DLGAP2: variants seen among roughly 807,000 people sequenced by gnomAD.
DLGAP2 encodes DLG associated protein 2.
A neutral mutation model predicts 100.3 loss-of-function variants in DLGAP2; 26 were observed. That is an observed-to-expected ratio of 0.26 (90% confidence interval 0.19 to 0.36). The LOEUF is 0.36. Among genes scored for constraint, DLGAP2 ranks in the 10% least tolerant of loss-of-function variants. The probability of loss-of-function intolerance (pLI) is 1.00; values close to 1 mark genes in which losing one functional copy is unlikely to be tolerated. For missense variants in DLGAP2, 1,858 were observed against 1,453.2 expected, an observed-to-expected ratio of 1.28 and a Z score of -4.53; for synonymous variants, 886 against 630.1, an observed-to-expected ratio of 1.41 and a Z score of -6.08.
chr8:750,394 C>T (rs567802507), intron 1 of DLGAP2, among the ~76,000 whole-genome samples: 19 of 152,264 alleles, frequency 1.2e-4, no homozygotes, highest in Admixed American at 5.2e-4. Context: ...GAAAACATTT[C>T]GAATCTTTTC....
At chr8:754,490 C>G (rs28524105) in intron 1 of DLGAP2, among the ~76,000 whole-genome samples, 43,651 of 152,156 alleles carry the variant, frequency 0.29, 7,942 homozygotes, top group Non-Finnish European at 0.41. Flanking sequence ...GTTGCAGTGT[C>G]ATTATCTTAC....
At chr8:1,645,387 T>G (rs2130801535) in intron 8 of DLGAP2, among the ~76,000 whole-genome samples, 1 of 152,360 alleles carries the variant, frequency 6.6e-6, no homozygotes, top group African/African-American at 2.4e-5. Context: ...TGCAGGCCAG[T>G]GTCAGTGTTA....
intron 2 of DLGAP2, among the ~76,000 whole-genome samples, chr8:1,208,619 C>G (rs543793342): frequency 4.0e-4 from 40 of 99,664 alleles, no homozygotes; most frequent in African/African-American, 2.8e-3. Context: ...TACTAGAAGT[C>G]CTAGCCAGAG....
rs377422177 is a variant in DLGAP2 at position 1,354,041 on chromosome 8, G to C, written c.106+95158G>C. Among the ~76,000 whole-genome samples the C allele has an allele frequency of 1.7e-3, 253 of 152,282 alleles. 1 individual carries two copies. The highest frequency in any genetic ancestry group is 0.014 in the Middle Eastern group (4 of 294). ...CAGTGGCCAGTGCTGTTTATAGAAG[G>C]ATGAATAGGTGCAGGCTTCAGGGGG... is the stretch of plus-strand genomic sequence containing the variant. On this transcript the variant is annotated intron_variant, in intron 3 of 14. Coordinates refer to ENST00000637795, the MANE Select transcript of DLGAP2 (RefSeq NM_001346810.2).
chr8:1,409,374 C>T (rs1380443280), intron 3 of DLGAP2, among the ~76,000 whole-genome samples: 1 of 152,190 alleles, frequency 6.6e-6, no homozygotes, highest in South Asian at 2.1e-4. Context: ...TCACCGTAGG[C>T]GCCCAGCTCT....
At chr8:913,221 A>C (rs956921800) in intron 2 of DLGAP2, among the ~76,000 whole-genome samples, 3 of 152,226 alleles carry the variant, frequency 2.0e-5, no homozygotes, top group Non-Finnish European at 2.9e-5. Flanking sequence ...CAGAGTAGCC[A>C]CTGGAGCACT....
Position 1,678,415 on chromosome 8 carries a change from A to G in DLGAP2, c.2490A>G (p.Arg830=). 2 of 1,613,764 alleles carry G rather than the reference A, an allele frequency of 1.2e-6. No individual in the cohort carries two copies. Among genetic ancestry groups the G allele is most frequent in the Non-Finnish European group, 1.7e-6 (2 of 1,179,764 alleles). Residue 830 remains arginine (R), a synonymous_variant, in exon 12 of 15, where the codon AGA becomes AGG. Transcript: ENST00000637795. ...TVRTQGLFSY[R]EDYRTQVDTS... ...GGACCCAGGGGCTCTTCAGCTATAG[A>G]GAAGACTATCGGACCCAAGTGGACA...
At chr8:904,572 C>T (rs754455610) in intron 1 of DLGAP2, among the ~76,000 whole-genome samples, 66 of 152,152 alleles carry the variant, frequency 4.3e-4, no homozygotes, top group African/African-American at 1.4e-4. Context: ...GTCACTGACC[C>T]GGGGGTGCTT....
At chr8:1,505,204 A>G (rs976598472) in intron 4 of DLGAP2, among the ~76,000 whole-genome samples, 11 of 152,202 alleles carry the variant, frequency 7.2e-5, no homozygotes, top group African/African-American at 2.2e-4. Context: ...GAATTTATGG[A>G]TCTATAATTC....
At chr8:1,086,493 A>G (rs1299502309) in intron 2 of DLGAP2, among the ~76,000 whole-genome samples, 1 of 152,168 alleles carries the variant, frequency 6.6e-6, no homozygotes. Context: ...GTATAAAAAG[A>G]TAAGACCCAA....
chr8:1,038,473 C>G (rs1423039406), intron 2 of DLGAP2, among the ~76,000 whole-genome samples: 1 of 152,166 alleles, frequency 6.6e-6, no homozygotes, highest in Non-Finnish European at 1.5e-5. Context: ...CCCCTGGAGC[C>G]TCTGTTCAGT....
chr8:1,550,325 C>A (rs1019165559), intron 5 of DLGAP2, among the ~76,000 whole-genome samples: 1 of 152,172 alleles, frequency 6.6e-6, no homozygotes. Context: ...GATGGCGGGA[C>A]GTTATCTACG....
chr8:1,602,610 A>G (rs1007197298), intron 6 of DLGAP2, among the ~76,000 whole-genome samples: 10 of 152,216 alleles, frequency 6.6e-5, no homozygotes, highest in African/African-American at 1.7e-4. Context: ...ATGAGATGGC[A>G]CCAGCTACTC....
intron 2 of DLGAP2, among the ~76,000 whole-genome samples, chr8:1,038,939 T>A (rs1255238319): frequency 6.6e-6 from 1 of 152,234 alleles, no homozygotes; most frequent in African/African-American, 2.4e-5. Flanking sequence ...ATTGGATGCT[T>A]TCGTGTCTCT....
intron 3 of DLGAP2, among the ~76,000 whole-genome samples, chr8:1,328,069 T>C (rs183200591): frequency 6.6e-6 from 1 of 151,994 alleles, no homozygotes; most frequent in Non-Finnish European, 1.5e-5. Context: ...AGACAGAGTC[T>C]CACTCTGTCT....
chr8:1,514,177 C>T (rs539867655), intron 4 of DLGAP2, among the ~76,000 whole-genome samples: 96 of 152,242 alleles, frequency 6.3e-4, no homozygotes, highest in Admixed American at 1.0e-3. Flanking sequence ...TTCACAGTGA[C>T]GGGAAAGAGG....
chr8:1,463,495 G>T (rs989628437), intron 3 of DLGAP2, among the ~76,000 whole-genome samples: 2 of 152,348 alleles, frequency 1.3e-5, no homozygotes, highest in South Asian at 4.1e-4. Context: ...GGGTCAGGCA[G>T]CCTCGGGTAT....
rs147464310 is a variant in DLGAP2 at position 851,919 on chromosome 8, C to G, written c.19-55993C>G. Among the ~76,000 whole-genome samples, 690 of 152,264 alleles carry G rather than the reference C, an allele frequency of 4.5e-3. 1 individual carries two copies. The highest frequency in any genetic ancestry group is 7.3e-3 in the Non-Finnish European group (498 of 68,016). ...ATACCTGGAGCTGTCTTTATTATTA[C>G]TCCTCTCTTATTAGCGAGGACACTG... On this transcript the variant is annotated intron_variant, in intron 1 of 14. Transcript: ENST00000637795.
intron 3 of DLGAP2, among the ~76,000 whole-genome samples, chr8:1,458,259 G>C (rs990847978): frequency 2.6e-5 from 4 of 151,670 alleles, no homozygotes; most frequent in Non-Finnish European, 5.9e-5. Flanking sequence ...CAGCATGTTT[G>C]GAAACACAAA....
Sources: allele counts gnomAD v4.1 joint callset (sites outside exome capture counted in the v4.1 genomes callset), GRCh38; gene constraint gnomAD v4.1.1; transcripts MANE v1.5; gene names NCBI Gene and HGNC (gene_info 2026-07-23, HGNC 2026-07-21).